The following ME2 variants were observed in gnomAD, a reference collection of about 807,000 sequenced individuals.
ME2 encodes malic enzyme 2.
In ME2, 60 loss-of-function variants were observed where a neutral mutation model predicts 73.7. The ratio of observed to expected loss-of-function variants is 0.81; its 90% CI spans 0.66 to 1.01. ME2 has a LOEUF of 1.01. Among genes scored for constraint, ME2 ranks in the 50% least tolerant of loss-of-function variants. The probability of loss-of-function intolerance (pLI) is 0.00; values close to 1 mark genes in which losing one functional copy is unlikely to be tolerated. For synonymous variants in ME2, 199 were observed against 236.9 expected, an observed-to-expected ratio of 0.84 and a Z score of 1.47; for missense variants, 594 against 705.5, an observed-to-expected ratio of 0.84 and a Z score of 1.79.
At chr18:50,880,229 T>C (rs1053471134) in intron 1 of ME2, among the ~76,000 whole-genome samples, 2 of 152,202 alleles carry the variant, frequency 1.3e-5, no homozygotes, top group African/African-American at 4.8e-5. Context: ...ATACTGTTAC[T>C]GCCTCCACTT....
rs2144285080 is a variant in ME2, at chr18:50,950,326, C to T, written c.*3142C>T. ...CAGGCCCCCGGGGGCAGAGCCCTGGCTGGTGTCTCTTCAGGAGGACCCCTG... is the reference window on the plus strand; with the variant it reads ...CAGGCCCCCGGGGGCAGAGCCCTGGTTGGTGTCTCTTCAGGAGGACCCCTG... On this transcript the variant is annotated 3_prime_UTR_variant, in exon 16 of 16. Transcript: ENST00000321341. The T allele has an allele frequency of 6.6e-6, 1 of 152,330 alleles. No homozygotes were observed. Among genetic ancestry groups the T allele is most frequent in the Non-Finnish European group, 1.5e-5 (1 of 68,046 alleles). 9.4% of individuals were successfully genotyped at this position (152,330 alleles called of 1,614,324 possible). A position where few individuals can be genotyped will look rare whatever the true frequency, so the allele number is the denominator to read the frequency against.
At chr18:50,922,030 A>G (rs1340003613) in intron 10 of ME2, among the ~76,000 whole-genome samples, 1 of 152,260 alleles carries the variant, frequency 6.6e-6, no homozygotes, top group Admixed American at 6.5e-5. Context: ...ACATTAAAAT[A>G]TAATGGTATA....
intron 6 of ME2, among the ~76,000 whole-genome samples, chr18:50,917,881 G>C (rs890059686): frequency 6.6e-6 from 1 of 152,102 alleles, no homozygotes; most frequent in Non-Finnish European, 1.5e-5. Context: ...TGAGGCAAGA[G>C]AATTGCTTGA....
chr18:50,924,838 C>T (rs1382597092), intron 11 of ME2, among the ~76,000 whole-genome samples: 5 of 151,908 alleles, frequency 3.3e-5, no homozygotes, highest in East Asian at 1.9e-4. Flanking sequence ...CCCGCCACCA[C>T]GCCCAGCTAA....
At chr18:50,901,155 AAAC>A (rs1482358738) in intron 2 of ME2, among the ~76,000 whole-genome samples, 1 of 152,242 alleles carries the variant, frequency 6.6e-6, no homozygotes, top group Non-Finnish European at 1.5e-5. Context: ...TCAGAAGTCT[AAAC>A]AAGCATTTGA....
At chr18:50,885,773 T>C (rs943329783) in intron 1 of ME2, among the ~76,000 whole-genome samples, 1 of 152,176 alleles carries the variant, frequency 6.6e-6, no homozygotes, top group Non-Finnish European at 1.5e-5. Context: ...ATATAATTTG[T>C]ACTTTTAGAG....
chr18:50,927,920 C>T (rs570911220), intron 12 of ME2, among the ~76,000 whole-genome samples: 1 of 145,308 alleles, frequency 6.9e-6, no homozygotes, highest in South Asian at 2.2e-4. Context: ...CTCAAGTAAT[C>T]CTCTTGCCTC....
intron 2 of ME2, among the ~76,000 whole-genome samples, chr18:50,897,899 T>C (rs985190741): frequency 6.6e-6 from 1 of 152,022 alleles, no homozygotes; most frequent in African/African-American, 2.4e-5. Flanking sequence ...AAAGAATGTC[T>C]AACATTCTGG....
At position 50,947,337 on chromosome 18, in the gene ME2, T is replaced by C; in HGVS notation, c.*153T>C. 2 of 683,034 alleles carry C rather than the reference T, an allele frequency of 2.9e-6. No homozygotes were observed. Among genetic ancestry groups the C allele is most frequent in the South Asian group, 2.0e-5 (1 of 51,244 alleles). The allele number at this position is 683,034 out of a possible 1,614,324, so 42.3% of individuals were successfully genotyped here. The stretch of plus-strand genomic sequence containing the variant: ...TTTTTCCATGCGTCTCCACATCTGT[T>C]GGGGTAGACGTGTTGATTGATTGCA... On this transcript the variant is annotated 3_prime_UTR_variant, in exon 16 of 16. Coordinates refer to ENST00000321341, the MANE Select transcript of ME2 (RefSeq NM_002396.5).
chr18:50,944,404 C>G (rs1417201761), intron 15 of ME2, among the ~76,000 whole-genome samples: 1 of 152,036 alleles, frequency 6.6e-6, no homozygotes, highest in Non-Finnish European at 1.5e-5. Flanking sequence ...TTTTTAGGAG[C>G]AAATAAGGAA....
intron 5 of ME2, 76 bp downstream of exon 5, chr18:50,916,319 T>C: frequency 3.6e-6 from 4 of 1,125,012 alleles, no homozygotes; most frequent in East Asian, 4.8e-5. Context: ...CCAAGAACAG[T>C]TTTTCATTGT....
chr18:50,916,258 A>T lies in ME2; in HGVS notation c.468+15A>T. 1.3e-6 allele frequency: 2 copies of T among 1,578,980 alleles called. No individual in the cohort carries two copies. Among genetic ancestry groups the T allele is most frequent in the East Asian group, 4.5e-5 (2 of 44,590 alleles). ...ATCATGTTAAGGTACTAATAGCACA[A>T]CCCTCCTTTTCACAATGTTTTCTCT... is the stretch of plus-strand genomic sequence containing the variant. On this transcript the variant is annotated intron_variant, in intron 5 of 15. Coordinates refer to ENST00000321341, the MANE Select transcript of ME2 (RefSeq NM_002396.5).
intron 2 of ME2, among the ~76,000 whole-genome samples, chr18:50,905,061 A>G (rs1408061642): frequency 2.6e-5 from 4 of 151,798 alleles, no homozygotes; most frequent in Non-Finnish European, 4.4e-5. Context: ...ATCTTGGCTC[A>G]CTGCAGCCTC....
In ME2 at chr18:50,949,185, C is replaced by T. The variant is rs1242688325; in HGVS notation, c.*2001C>T. 7 of 152,158 alleles carry T rather than the reference C, an allele frequency of 4.6e-5. No homozygotes were observed. Among genetic ancestry groups the T allele is most frequent in the Non-Finnish European group, 8.8e-5 (6 of 68,038 alleles). 9.4% of individuals were successfully genotyped at this position (152,158 alleles called of 1,614,324 possible). Reference sequence around the variant, plus strand: ...TATAATTTAATAATTTTAAAATGGTCGCAATGGCATTGCCATTTGGAGTAT... The same window carrying T: ...TATAATTTAATAATTTTAAAATGGTTGCAATGGCATTGCCATTTGGAGTAT... On this transcript the variant is annotated 3_prime_UTR_variant, in exon 16 of 16. Transcript: ENST00000321341.
At chr18:50,894,876 C>CA (rs201413611) in intron 1 of ME2, among the ~76,000 whole-genome samples, 1,668 of 76,326 alleles carry the variant, frequency 0.022, 34 homozygotes, top group African/African-American at 0.071. Flanking sequence ...GACTCCATCT[C>CA]AAAAAAAAAA....
chr18:50,894,876 CAAA>C (rs201413611), intron 1 of ME2, among the ~76,000 whole-genome samples: 1 of 76,734 alleles, frequency 1.3e-5, no homozygotes. Context: ...GACTCCATCT[CAAA>C]AAAAAAAAAA....
At chr18:50,907,806 T>C (rs1917050024) in intron 2 of ME2, among the ~76,000 whole-genome samples, 1 of 152,144 alleles carries the variant, frequency 6.6e-6, no homozygotes, top group South Asian at 2.1e-4. Context: ...ATAATATGTA[T>C]ATAAAAAATT....
At chr18:50,884,646 C>T (rs934898433) in intron 1 of ME2, among the ~76,000 whole-genome samples, 12 of 152,032 alleles carry the variant, frequency 7.9e-5, no homozygotes, top group Admixed American at 7.2e-4. Context: ...GCGCCAGGCC[C>T]AAATTCATTA....
chr18:50,932,023 A>G (rs994926214), intron 12 of ME2, among the ~76,000 whole-genome samples: 2 of 152,168 alleles, frequency 1.3e-5, no homozygotes, highest in African/African-American at 4.8e-5. Context: ...TTAAATTTTT[A>G]GTAATAAATG....
Sources: allele counts gnomAD v4.1 joint callset (sites outside exome capture counted in the v4.1 genomes callset), GRCh38; gene constraint gnomAD v4.1.1; transcripts MANE v1.5; gene names NCBI Gene and HGNC (gene_info 2026-07-23, HGNC 2026-07-21).